The following PLCE1 variants were observed in gnomAD, a reference collection of about 807,000 sequenced individuals.
PLCE1 encodes phospholipase C epsilon 1.
PLCE1 carries 119 observed loss-of-function variants against 242.8 expected under a neutral mutation model. That is an observed-to-expected ratio of 0.49 (90% CI 0.42 to 0.57). The LOEUF is 0.57. PLCE1 is among the 20% of genes least tolerant of loss of function. PLCE1 has a pLI of 0.00. For missense variants in PLCE1, 2,441 were observed against 2,788.8 expected (o/e 0.88, Z 2.81); for synonymous variants, 945 against 1,017.4 (o/e 0.93, Z 1.35).
intron 3 of PLCE1, among the ~76,000 whole-genome samples, chr10:94,170,398 G>A (rs886914395): frequency 3.3e-5 from 5 of 152,194 alleles, no homozygotes; most frequent in African/African-American, 9.7e-5. Context: ...TAAAGAGAAG[G>A]CAAGTATGTG....
At chr10:94,312,762 A>G (rs1426899524) in intron 27 of PLCE1, among the ~76,000 whole-genome samples, 9 of 152,242 alleles carry the variant, frequency 5.9e-5, no homozygotes, top group Non-Finnish European at 1.2e-4. Context: ...TTTATTTCAA[A>G]TGAATATATC....
At chr10:94,076,236 CCTTATTAGAGAGAAGAGTGT>C (rs1312528139) in intron 2 of PLCE1, among the ~76,000 whole-genome samples, 2 of 151,936 alleles carry the variant, frequency 1.3e-5, no homozygotes, top group African/African-American at 4.8e-5. Context: ...TACGGGATAT[CCTTATTAGAGAGAAGAGTGT>C]TTAGTAGGAG....
intron 4 of PLCE1, among the ~76,000 whole-genome samples, chr10:94,172,646 G>A (rs1310411524): frequency 1.3e-5 from 2 of 152,132 alleles, no homozygotes; most frequent in Admixed American, 6.5e-5. Flanking sequence ...GGGCAAAATA[G>A]CAAGACCTTG....
intron 4 of PLCE1, among the ~76,000 whole-genome samples, chr10:94,177,589 A>G (rs1277960150): frequency 6.6e-6 from 1 of 152,146 alleles, no homozygotes; most frequent in Non-Finnish European, 1.5e-5. Context: ...CTCTCCTTTC[A>G]GGTGGAGCAG....
chr10:94,039,460 C>T (rs1271171867), intron 2 of PLCE1, among the ~76,000 whole-genome samples: 1 of 151,914 alleles, frequency 6.6e-6, no homozygotes, highest in Non-Finnish European at 1.5e-5. Flanking sequence ...AGACTCACTG[C>T]AACCTCTGCC....
intron 2 of PLCE1, among the ~76,000 whole-genome samples, chr10:94,118,050 C>T (rs563167685): frequency 6.6e-6 from 1 of 152,218 alleles, no homozygotes; most frequent in South Asian, 2.1e-4. Flanking sequence ...TTTTAAATTA[C>T]AAAATGTAAG....
At chr10:94,284,712 C>T (rs2052374217) in intron 21 of PLCE1, 136 bp from the exon 22 acceptor site, 2 of 661,474 alleles carry the variant, frequency 3.0e-6, no homozygotes, top group East Asian at 5.3e-5. Context: ...GCTGTTGGGA[C>T]ATGTATATGG....
chr10:94,269,095 T>TTA (rs2133106165), intron 17 of PLCE1, 59 bp downstream of exon 17: 2 of 93,956 alleles, frequency 2.1e-5, no homozygotes, highest in Non-Finnish European at 2.2e-5. Context: ...TTCATTTGTC[T>TTA]TTTTTTTTTT....
intron 2 of PLCE1, among the ~76,000 whole-genome samples, chr10:94,082,756 A>T (rs569072160): frequency 6.6e-6 from 1 of 152,356 alleles, no homozygotes; most frequent in South Asian, 2.1e-4. Context: ...GCAATGAACC[A>T]TCTGGAAATA....
chr10:94,162,550 T>C (rs2047652750), intron 3 of PLCE1, among the ~76,000 whole-genome samples: 1 of 152,198 alleles, frequency 6.6e-6, no homozygotes. Context: ...CTCTCTTTTC[T>C]TTTTTATTAG....
At chr10:94,264,273 C>T (rs72814633) in intron 14 of PLCE1, among the ~76,000 whole-genome samples, 188 of 152,076 alleles carry the variant, frequency 1.2e-3, no homozygotes, top group Admixed American at 3.4e-3. Context: ...GAGCATTCCC[C>T]ACAGGGAGCC....
intron 4 of PLCE1, among the ~76,000 whole-genome samples, chr10:94,179,530 T>TTGA (rs10636243): frequency 0.084 from 10,022 of 118,816 alleles, 1,103 homozygotes; most frequent in African/African-American, 0.22. Context: ...TTTTTTTTTT[T>TTGA]GACAGGGTCT....
intron 4 of PLCE1, among the ~76,000 whole-genome samples, chr10:94,189,105 T>C (rs1226053147): frequency 1.3e-5 from 2 of 151,318 alleles, no homozygotes; most frequent in Admixed American, 6.6e-5. Context: ...GTTAGTATAC[T>C]GAAGGCTGAA....
At chr10:94,138,228 CA>C (rs1175970215) in intron 3 of PLCE1, 9 of 329,844 alleles carry the variant, frequency 2.7e-5, no homozygotes, top group Non-Finnish European at 4.7e-5. Flanking sequence ...AGAGAATCAC[CA>C]GGGGGTGCTG....
intron 4 of PLCE1, among the ~76,000 whole-genome samples, chr10:94,181,101 G>A (rs889665954): frequency 1.3e-5 from 2 of 152,188 alleles, no homozygotes; most frequent in Admixed American, 6.5e-5. Flanking sequence ...GGACTGGCAC[G>A]CATGCACTCA....
intron 2 of PLCE1, among the ~76,000 whole-genome samples, chr10:94,082,600 C>T (rs749859331): frequency 2.0e-5 from 3 of 152,174 alleles, no homozygotes; most frequent in Non-Finnish European, 4.4e-5. Flanking sequence ...CATCATATAT[C>T]AGAGCCCAGC....
chr10:94,275,225 C>T (rs1277578982), intron 19 of PLCE1, among the ~76,000 whole-genome samples: 1 of 152,152 alleles, frequency 6.6e-6, no homozygotes, highest in East Asian at 1.9e-4. Context: ...CTTCCCTCTG[C>T]AGCTGTACAG....
chr10:94,293,412 T>C (rs2052705846), intron 22 of PLCE1, 96 bp from the exon 23 acceptor site: 1 of 1,325,288 alleles, frequency 7.5e-7, no homozygotes, highest in Non-Finnish European at 1.1e-6. Flanking sequence ...TCCAAGGGAG[T>C]AGTAGGACTT....
In PLCE1 at chr10:94,284,335, A is replaced by T. The variant is rs116550124; in HGVS notation, c.4917+424A>T. 7.0e-3 allele frequency among the ~76,000 whole-genome samples: 1,059 copies of T among 152,324 alleles called. 10 individuals carry two copies. Among genetic ancestry groups the T allele is most frequent in the African/African-American group, 0.024 (1,003 of 41,580 alleles). On this transcript the variant is annotated intron_variant, in intron 21 of 32. Coordinates refer to ENST00000371380, the MANE Select transcript of PLCE1 (RefSeq NM_016341.4). ...ATTCGGGCCAAGAGGGCAGCCTGGT[A>T]TGTCCAGGGAATTGCAAGAAGTTTT...
Sources: allele counts gnomAD v4.1 joint callset (sites outside exome capture counted in the v4.1 genomes callset), GRCh38; gene constraint gnomAD v4.1.1; transcripts MANE v1.5; gene names NCBI Gene and HGNC (gene_info 2026-07-23, HGNC 2026-07-21).